ZAP70: variants seen among roughly 807,000 people sequenced by gnomAD.
The protein encoded by ZAP70 is zeta chain of T cell receptor associated protein kinase 70, also known as tyrosine-protein kinase ZAP-70.
A neutral mutation model predicts 65.8 loss-of-function variants in ZAP70; 27 were observed. The ratio of observed to expected loss-of-function variants is 0.41; its 90% CI spans 0.30 to 0.57. The LOEUF (loss-of-function observed/expected upper bound fraction) is 0.57. Among genes scored for constraint, ZAP70 ranks in the 20% least tolerant of loss-of-function variants. The pLI is 0.28. For missense variants in ZAP70, 696 were observed against 870.5 expected (o/e 0.80, Z 2.52); for synonymous variants, 363 against 360.8 (o/e 1.01, Z -0.07).
intron 4 of ZAP70, among the ~76,000 whole-genome samples, chr2:97,728,410 C>T (rs181831501): frequency 2.6e-5 from 4 of 152,320 alleles, no homozygotes; most frequent in Non-Finnish European, 4.4e-5. Context: ...CGTCAAGAGA[C>T]GAAGCAGCTA....
At chr2:97,716,678 A>G (rs1676926966) in intron 2 of ZAP70, among the ~76,000 whole-genome samples, 1 of 152,092 alleles carries the variant, frequency 6.6e-6, no homozygotes, top group Admixed American at 6.5e-5. Context: ...CTGAACGAAT[A>G]ACATGAGGAG....
At chr2:97,717,612 A>C (rs1358561560) in intron 2 of ZAP70, among the ~76,000 whole-genome samples, 6 of 152,180 alleles carry the variant, frequency 3.9e-5, no homozygotes, top group African/African-American at 1.4e-4. Flanking sequence ...GGGGCTTCTG[A>C]TGCCCAGGGA....
chr2:97,726,441 TG>T (rs1677391244), intron 4 of ZAP70, among the ~76,000 whole-genome samples: 1 of 152,234 alleles, frequency 6.6e-6, no homozygotes, highest in Non-Finnish European at 1.5e-5. Flanking sequence ...AAGAAATCTG[TG>T]GGGACAATTC....
chr2:97,742,142 G>A (rs549949477), downstream of ZAP70, among the ~76,000 whole-genome samples: 1 of 152,296 alleles, frequency 6.6e-6, no homozygotes, highest in Admixed American at 6.5e-5. Flanking sequence ...CGCAAGGCCT[G>A]GTGCGGTGAT....
chr2:97,749,070 C>T, the ZAP70 span, among the ~76,000 whole-genome samples: 32 of 139,058 alleles, frequency 2.3e-4, 2 homozygotes, highest in East Asian at 5.7e-3. Context: ...AGTGCAGTGG[C>T]GCAATCTCGG....
intron 4 of ZAP70, among the ~76,000 whole-genome samples, chr2:97,727,751 A>G (rs1400129367): frequency 1.3e-5 from 2 of 151,862 alleles, no homozygotes; most frequent in Non-Finnish European, 2.9e-5. Context: ...TACATCCCCA[A>G]TGTAGCTTTT....
chr2:97,733,531 C>G lies in ZAP70; in HGVS notation c.838-13C>G, dbSNP rs1677709997. The G allele has an allele frequency of 6.2e-7, 1 of 1,613,552 alleles. No homozygotes were observed. Among genetic ancestry groups the G allele is most frequent in the African/African-American group, 1.3e-5 (1 of 74,906 alleles). On this transcript the variant is annotated splice_polypyrimidine_tract_variant and intron_variant, in intron 7 of 13. Transcript: ENST00000264972. ...GTCCCCAGCTCAGGCCTTGCTGACC[C>G]TGTGGCCTTTAGCCTCAGAGACGAA...
Position 97,731,255 on chromosome 2 carries a change from TGA to T in ZAP70, c.564-1625_564-1624del, listed in dbSNP as rs1334754470. On this transcript the variant is annotated intron_variant, in intron 4 of 13. Transcript: ENST00000264972. This position sits in a 1 kb window ranked among gnomAD's most constrained non-coding sequence, Gnocchi z 4.0. The stretch of plus-strand genomic sequence containing the variant: ...CACCTGCCTCTGACTTCCACAGCTC[TGA>T]GACCCCCAGGGCCAATAGCCCTCCC... Among the ~76,000 whole-genome samples the T allele has an allele frequency of 6.6e-6, 1 of 152,124 alleles. No individual in the cohort carries two copies. The highest frequency in any genetic ancestry group is 1.9e-4 in the East Asian group (1 of 5,186).
At chr2:97,725,591 C>T (rs1228722164) in intron 4 of ZAP70, among the ~76,000 whole-genome samples, 3 of 152,212 alleles carry the variant, frequency 2.0e-5, no homozygotes, top group Non-Finnish European at 4.4e-5. Context: ...TACTGTGTAC[C>T]AGGCACTGAG....
At chr2:97,738,951 A>G (rs1306206105) in intron 13 of ZAP70, among the ~76,000 whole-genome samples, 2 of 152,120 alleles carry the variant, frequency 1.3e-5, no homozygotes, top group East Asian at 1.9e-4. Context: ...GCCATGCTCC[A>G]GGCTTCTGCT....
At chr2:97,735,871 G>A (rs1386996380) in intron 10 of ZAP70, among the ~76,000 whole-genome samples, 1 of 152,198 alleles carries the variant, frequency 6.6e-6, no homozygotes, top group Non-Finnish European at 1.5e-5. Flanking sequence ...AGATTAGCTG[G>A]GCGTGGTGGT....
chr2:97,749,801 C>A, the ZAP70 span, among the ~76,000 whole-genome samples: 1 of 152,098 alleles, frequency 6.6e-6, no homozygotes, highest in South Asian at 2.1e-4. Context: ...CAAACGGGAG[C>A]CCAGGCTGGC....
the ZAP70 span, among the ~76,000 whole-genome samples, chr2:97,747,815 G>GTTTTTGTTTTTTT: frequency 1.8e-5 from 1 of 54,746 alleles, no homozygotes; most frequent in Non-Finnish European, 3.2e-5. Flanking sequence ...CTGGCACGAG[G>GTTTTTGTTTTTTT]TTTTTTTTTT....
rs1254428002 is a variant in ZAP70 at position 97,734,640 on chromosome 2, T to G, written c.1010T>G (p.Leu337Arg). 2.5e-6 allele frequency: 4 copies of G among 1,614,044 alleles called. No homozygotes were observed. Among genetic ancestry groups the G allele is most frequent in the African/African-American group, 1.3e-5 (1 of 74,938 alleles). ...AAGCTCTTCCTGAAGCGCGATAACC[T>G]CCTCATAGCTGACATTGAACTTGGC... ...DKKLFLKRDNLLIADIELGCG... is the reference protein window; with the variant it reads ...DKKLFLKRDNRLIADIELGCG... Residue 337 changes from leucine (L) to arginine (R), a missense_variant, in exon 9 of 14, where the codon CTC (leucine) becomes CGC (arginine). By Grantham distance (102) the Leu-to-Arg change is moderately radical. Transcript: ENST00000264972.
chr2:97,724,774 G>T, intron 3 of ZAP70: 1 of 1,505,494 alleles, frequency 6.6e-7, no homozygotes, highest in Non-Finnish European at 8.9e-7. Context: ...TGAGCCCTTA[G>T]GGTAGGGTGG....
chr2:97,725,266 G>A lies in ZAP70; in HGVS notation c.563+14G>A. 6.2e-7 allele frequency: 1 copy of A among 1,611,090 alleles called. No homozygotes were observed. Among genetic ancestry groups the A allele is most frequent in the South Asian group, 1.1e-5 (1 of 91,026 alleles). ...CGGCAAGTTCCTGTATGTGGGGCCC[G>A]GGATTTGGGTGCGGTGAGGATTGGG... On this transcript the variant is annotated intron_variant, in intron 4 of 13. Coordinates refer to ENST00000264972, the MANE Select transcript of ZAP70 (RefSeq NM_001079.4).
intron 4 of ZAP70, among the ~76,000 whole-genome samples, chr2:97,726,500 G>C (rs940648366): frequency 6.6e-6 from 1 of 152,254 alleles, no homozygotes; most frequent in African/African-American, 2.4e-5. Flanking sequence ...CCCCTGCCCA[G>C]CAGATCCCTT....
chr2:97,738,170 A>G, intron 13 of ZAP70, 63 bp downstream of exon 13: 1 of 1,451,396 alleles, frequency 6.9e-7, no homozygotes, highest in South Asian at 1.2e-5. Flanking sequence ...GTGCCCGATG[A>G]GTTGATGTCA....
chr2:97,754,209 G>C, the ZAP70 span, among the ~76,000 whole-genome samples: 9 of 152,108 alleles, frequency 5.9e-5, no homozygotes, highest in African/African-American at 2.2e-4. Context: ...TAACAGAAGA[G>C]ACCCTTGTTT....
Sources: allele counts gnomAD v4.1 joint callset (sites outside exome capture counted in the v4.1 genomes callset), GRCh38; gene constraint gnomAD v4.1.1; non-coding constraint Gnocchi (gnomAD v3.1); transcripts MANE v1.5; gene names NCBI Gene and HGNC (gene_info 2026-07-23, HGNC 2026-07-21).